The following PPP1CB variants were observed in gnomAD, a reference collection of about 807,000 sequenced individuals.
The protein encoded by PPP1CB is protein phosphatase 1 catalytic subunit beta, also known as serine/threonine-protein phosphatase PP1-beta catalytic subunit.
A neutral mutation model predicts 43.7 loss-of-function variants in PPP1CB; 2 were observed. The ratio of observed to expected loss-of-function variants is 0.05; its 90% confidence interval spans 0.02 to 0.14. The LOEUF is 0.14. Ranked by LOEUF, PPP1CB falls within the 10% of genes least tolerant of loss-of-function variation. The pLI is 1.00. For missense variants in PPP1CB, 84 were observed against 398.0 expected (o/e 0.21, Z 6.71); for synonymous variants, 136 against 135.6 (o/e 1.00, Z -0.02).
At chr2:28,792,311 GC>G (rs977373661) in intron 6 of PPP1CB, among the ~76,000 whole-genome samples, 208 of 152,046 alleles carry the variant, frequency 1.4e-3, no homozygotes, top group Non-Finnish European at 3.7e-4. Context: ...TTGCACTCCA[GC>G]CTGGGCAACA....
chr2:28,786,729 C>T (rs549357175), intron 5 of PPP1CB, among the ~76,000 whole-genome samples: 25 of 134,236 alleles, frequency 1.9e-4, no homozygotes, highest in African/African-American at 6.6e-4. Flanking sequence ...GAGCCGAGAT[C>T]GTGCCACTGC....
intron 1 of PPP1CB, among the ~76,000 whole-genome samples, chr2:28,759,623 T>C (rs1237020930): frequency 6.6e-6 from 1 of 151,904 alleles, no homozygotes; most frequent in Non-Finnish European, 1.5e-5. Context: ...ACCTTTTTTT[T>C]TTCTTTTTTT....
chr2:28,786,202 C>T (rs1667262784), intron 5 of PPP1CB, among the ~76,000 whole-genome samples: 1 of 152,114 alleles, frequency 6.6e-6, no homozygotes, highest in Non-Finnish European at 1.5e-5. Flanking sequence ...CAACCTCCAC[C>T]TCCCAGGTTC....
intron 1 of PPP1CB, among the ~76,000 whole-genome samples, chr2:28,762,859 A>AT (rs1666688006): frequency 6.6e-6 from 1 of 152,254 alleles, no homozygotes; most frequent in Non-Finnish European, 1.5e-5. Flanking sequence ...ATCTCATCAG[A>AT]AGAGTCCTTA....
chr2:28,783,449 T>C (rs1341135698), intron 4 of PPP1CB, among the ~76,000 whole-genome samples: 2 of 152,164 alleles, frequency 1.3e-5, no homozygotes, highest in Non-Finnish European at 1.5e-5. Context: ...CTAATAACTC[T>C]GTGTTGCCCT....
chr2:28,771,630 G>A (rs1666915808), intron 1 of PPP1CB, among the ~76,000 whole-genome samples: 1 of 152,120 alleles, frequency 6.6e-6, no homozygotes, highest in Non-Finnish European at 1.5e-5. Flanking sequence ...GGTTCAGTGG[G>A]GAAAAGGATG....
At chr2:28,789,379 C>T (rs991030940) in intron 6 of PPP1CB, among the ~76,000 whole-genome samples, 3 of 150,164 alleles carry the variant, frequency 2.0e-5, no homozygotes, top group Non-Finnish European at 3.0e-5. Flanking sequence ...TGTGGTGGTG[C>T]GTGCCTGTGG....
chr2:28,764,916 C>A (rs931194652), intron 1 of PPP1CB, among the ~76,000 whole-genome samples: 19 of 109,076 alleles, frequency 1.7e-4, no homozygotes, highest in Non-Finnish European at 3.3e-4. Context: ...GAGACCCTGT[C>A]TCAAAAAAAA....
intron 4 of PPP1CB, 137 bp from the exon 5 acceptor site, chr2:28,783,770 G>T: frequency 3.0e-5 from 16 of 525,656 alleles, no homozygotes; most frequent in Non-Finnish European, 4.0e-5. Context: ...AAAAAAAAAA[G>T]ACGTTAAAAG....
At chr2:28,767,591 C>A (rs1666806893) in intron 1 of PPP1CB, among the ~76,000 whole-genome samples, 1 of 152,140 alleles carries the variant, frequency 6.6e-6, no homozygotes, top group Non-Finnish European at 1.5e-5. Flanking sequence ...ATTTGTGATG[C>A]ACCGAAAAGC....
At chr2:28,786,332 T>C (rs1472181217) in intron 5 of PPP1CB, among the ~76,000 whole-genome samples, 1 of 152,136 alleles carries the variant, frequency 6.6e-6, no homozygotes, top group Non-Finnish European at 1.5e-5. Flanking sequence ...CAGGCTGGTC[T>C]TGAACTCCTG....
intron 3 of PPP1CB, among the ~76,000 whole-genome samples, chr2:28,779,890 T>C (rs1400777355): frequency 6.6e-6 from 1 of 152,180 alleles, no homozygotes; most frequent in Non-Finnish European, 1.5e-5. Context: ...ATACAGATGA[T>C]CTCTGTTCTC....
Position 28,799,549 on chromosome 2 carries a change from A to C in PPP1CB, c.*246A>C, listed in dbSNP as rs534188151. The C allele has an allele frequency of 5.7e-6, 2 of 351,122 alleles. No individual in the cohort carries two copies. The highest frequency in any genetic ancestry group is 4.2e-5 in the African/African-American group (2 of 47,486). The allele number at this position is 351,122 out of a possible 1,614,324, so 21.8% of individuals were successfully genotyped here. Reference sequence around the variant, plus strand: ...AAATTCAAAATTATCCATTAAAGTTACATCTTCATGTATCACAATTTTTAA... The same window carrying C: ...AAATTCAAAATTATCCATTAAAGTTCCATCTTCATGTATCACAATTTTTAA... On this transcript the variant is annotated 3_prime_UTR_variant, in exon 8 of 8. Coordinates refer to ENST00000395366, the MANE Select transcript of PPP1CB (RefSeq NM_002709.3).
At chr2:28,798,645 GAC>G (rs35278492) in intron 7 of PPP1CB, among the ~76,000 whole-genome samples, 83,195 of 151,716 alleles carry the variant, frequency 0.55, 23,259 homozygotes, top group Middle Eastern at 0.62. Context: ...ATTCTATAGA[GAC>G]ACATAGTAGA....
At chr2:28,779,117 T>C (rs924358826) in intron 3 of PPP1CB, 78 bp downstream of exon 3, 51 of 1,108,092 alleles carry the variant, frequency 4.6e-5, no homozygotes, top group Non-Finnish European at 6.0e-5. Context: ...AGAGTTGCTT[T>C]GATTCAGAGT....
chr2:28,753,791 T>TGGCACGGTCTCAGCTCACTGCAAC (rs1666408555), intron 1 of PPP1CB, among the ~76,000 whole-genome samples: 1 of 152,192 alleles, frequency 6.6e-6, no homozygotes, highest in Admixed American at 6.5e-5. Flanking sequence ...TGGAGTGCAA[T>TGGCACGGTCTCAGCTCACTGCAAC]GGCACGGTCT....
chr2:28,762,050 G>C (rs374713459), intron 1 of PPP1CB, among the ~76,000 whole-genome samples: 5 of 152,284 alleles, frequency 3.3e-5, no homozygotes, highest in African/African-American at 9.6e-5. Flanking sequence ...TTGGGAGGCC[G>C]AGGCGGGTGG....
intron 5 of PPP1CB, among the ~76,000 whole-genome samples, chr2:28,787,727 C>A (rs1045017609): frequency 6.6e-6 from 1 of 152,158 alleles, no homozygotes; most frequent in Non-Finnish European, 1.5e-5. Flanking sequence ...TATACTAAGC[C>A]CTTTGTCTTG....
chr2:28,773,540 A>G (rs1205125884), intron 1 of PPP1CB, among the ~76,000 whole-genome samples: 1 of 152,234 alleles, frequency 6.6e-6, no homozygotes, highest in African/African-American at 2.4e-5. Flanking sequence ...TTTGCACCTA[A>G]TGAAGTATGC....
Sources: allele counts gnomAD v4.1 joint callset (sites outside exome capture counted in the v4.1 genomes callset), GRCh38; gene constraint gnomAD v4.1.1; transcripts MANE v1.5; gene names NCBI Gene and HGNC (gene_info 2026-07-23, HGNC 2026-07-21).